The following IZUMO2 variants were observed in gnomAD, a reference collection of about 807,000 sequenced individuals.
IZUMO2 encodes the protein izumo sperm-egg fusion protein 2.
In IZUMO2, 24 loss-of-function variants were observed where a neutral mutation model predicts 31.2. That is an observed-to-expected ratio of 0.77 (90% CI 0.56 to 1.08). The LOEUF (loss-of-function observed/expected upper bound fraction) is 1.08, where lower values mean the gene tolerates loss of function less well. Among genes scored for constraint, IZUMO2 ranks in the 50% least tolerant of loss-of-function variants. The pLI is 0.00. For missense variants in IZUMO2, 278 were observed against 274.0 expected (o/e 1.01, Z -0.10); for synonymous variants, 144 against 117.3 (o/e 1.23, Z -1.47).
chr19:50,152,949 A>T (rs1018402503), intron 6 of IZUMO2, among the ~76,000 whole-genome samples: 1 of 152,172 alleles, frequency 6.6e-6, no homozygotes, highest in Non-Finnish European at 1.5e-5. Flanking sequence ...GAGACAGGGT[A>T]TAGTGGAAGC....
chr19:50,162,514 C>A (rs1308789247), intron 2 of IZUMO2, among the ~76,000 whole-genome samples: 1 of 151,968 alleles, frequency 6.6e-6, no homozygotes, highest in Non-Finnish European at 1.5e-5. Context: ...ACTTGGGAGG[C>A]TGAGGCGGCA....
chr19:50,158,332 C>A lies in IZUMO2; in HGVS notation c.432G>T (p.Glu144Asp). The change falls in exon 5 of 7, where the codon GAG becomes GAT. Residue 144 changes from glutamate to aspartate, a missense_variant. By Grantham distance (45) the Glu-to-Asp change is conservative. Transcript: ENST00000293405. ...NPKLCRLLKE[E>D]VLDCLHCQRI... The stretch of plus-strand genomic sequence containing the variant: ...TCTGGCAATGTAAACAGTCCAACAC[C>A]TCTTCTTTTAGCAAGCCTAGGCAAG... 1.2e-6 allele frequency: 2 copies of A among 1,610,534 alleles called. No individual in the cohort carries two copies. The highest frequency in any genetic ancestry group is 2.2e-5 in the East Asian group (1 of 44,602).
rs921049195 is a variant in IZUMO2, at chr19:50,163,093, G to T, written c.102C>A (p.His34Gln). The change falls in exon 1 of 7, where the codon CAC becomes CAA. Residue 34 changes from histidine (H) to glutamine (Q), a missense_variant. By Grantham distance (24) the His-to-Gln change is conservative (BLOSUM62 0). Transcript: ENST00000293405. The part of the protein sequence containing the change: ...CDPLVLEALG[H>Q]LRSALIPSRF... The stretch of plus-strand genomic sequence containing the variant: ...GACTGGGGATGAGGGCGGAGCGCAG[G>T]TGACCCAGGGCCTCCAGCACCAAGG... 1 of 1,612,252 alleles carries T rather than the reference G, an allele frequency of 6.2e-7. No individual in the cohort carries two copies. The highest frequency in any genetic ancestry group is 1.7e-5 in the Admixed American group (1 of 59,698).
chr19:50,153,337 T>C (rs2030089364), intron 6 of IZUMO2, among the ~76,000 whole-genome samples: 1 of 152,162 alleles, frequency 6.6e-6, no homozygotes, highest in African/African-American at 2.4e-5. Flanking sequence ...ACCCAGAGAA[T>C]ACATTTCTTT....
Position 50,156,768 on chromosome 19 carries a change from A to C in IZUMO2, c.496+1500T>G, listed in dbSNP as rs145665177. Reference sequence around the variant, plus strand: ...GGCAAGAATCAGTCTAAAAAAACAAAACAAAACAAAACAAAACAAAAACTG... The same window carrying C: ...GGCAAGAATCAGTCTAAAAAAACAACACAAAACAAAACAAAACAAAAACTG... On this transcript the variant is annotated intron_variant, in intron 5 of 6. Transcript: ENST00000293405. Among the ~76,000 whole-genome samples, 547 of 152,264 alleles carry C rather than the reference A, an allele frequency of 3.6e-3. 4 individuals carry two copies. The highest frequency in any genetic ancestry group is 0.013 in the African/African-American group (530 of 41,540).
intron 6 of IZUMO2, 28 bp from the exon 7 acceptor site, chr19:50,152,679 T>G: frequency 6.3e-7 from 1 of 1,590,396 alleles, no homozygotes; most frequent in Non-Finnish European, 8.6e-7. Flanking sequence ...GCCTGTAGAT[T>G]AGAATGAGAA....
chr19:50,158,005 T>C (rs1238370218), intron 5 of IZUMO2, among the ~76,000 whole-genome samples: 1 of 151,966 alleles, frequency 6.6e-6, no homozygotes, highest in Non-Finnish European at 1.5e-5. Flanking sequence ...GGTATAGCAA[T>C]GGCTAAGAAT....
rs769345888 is a variant in IZUMO2, at chr19:50,162,986, A to C, written c.209T>G (p.Leu70Arg). 1.2e-6 allele frequency: 2 copies of C among 1,612,962 alleles called. No individual in the cohort carries two copies. The highest frequency in any genetic ancestry group is 1.3e-5 in the African/African-American group (1 of 74,978). Residue 70 changes from leucine to arginine, a missense_variant, in exon 1 of 7, where the codon CTG becomes CGG. Coordinates refer to ENST00000293405, the MANE Select transcript of IZUMO2 (RefSeq NM_152358.3). ...MEGPFFRDYA[L>R]NVFVGKVETN... The stretch of plus-strand genomic sequence containing the variant: ...ACCCACTTTCCCCACAAACACGTTC[A>C]GCGCGTAGTCCCGGAAGAAAGGCCC...
intron 5 of IZUMO2, among the ~76,000 whole-genome samples, chr19:50,155,836 C>G (rs2030196436): frequency 6.6e-6 from 1 of 152,210 alleles, no homozygotes; most frequent in South Asian, 2.1e-4. Context: ...CTTGCAAGCC[C>G]TGCACCATCT....
chr19:50,152,583 T>C lies in IZUMO2; in HGVS notation c.*26A>G. ...ACCAATTTTATTAAATTTATTTTCC[T>C]TTCTCCTTACCCCCAAACCACCGTC... is the stretch of plus-strand genomic sequence containing the variant. On this transcript the variant is annotated 3_prime_UTR_variant, in exon 7 of 7. Transcript: ENST00000293405. 2 of 1,601,554 alleles carry C rather than the reference T, an allele frequency of 1.2e-6. No individual in the cohort carries two copies. The highest frequency in any genetic ancestry group is 1.7e-6 in the Non-Finnish European group (2 of 1,168,602).
intron 1 of IZUMO2, 58 bp from the exon 2 acceptor site, chr19:50,162,871 ACC>A: frequency 6.2e-7 from 1 of 1,601,060 alleles, no homozygotes; most frequent in South Asian, 1.1e-5. Context: ...AAGTGACCTC[ACC>A]CCCTCCAGGC....
In IZUMO2 at chr19:50,163,044, CCT is replaced by C; in HGVS notation, c.149_150del (p.Gln50ArgfsTer49). The stretch of plus-strand genomic sequence containing the variant: ...CCCATCAGCACGGCCCCGGCGCGCG[CCT>C]GCAGCTGCTCCAACTGGAAGCGACT... ...IPSRFQLEQL[Q>X]ARAGAVLMGM... On this transcript the variant is annotated frameshift_variant, in exon 1 of 7. Transcript: ENST00000293405. LOFTEE classifies it high-confidence loss of function. 1 of 1,613,002 alleles carries C rather than the reference CCT, an allele frequency of 6.2e-7. No homozygotes were observed. Among genetic ancestry groups the C allele is most frequent in the South Asian group, 1.1e-5 (1 of 91,024 alleles).
intron 5 of IZUMO2, among the ~76,000 whole-genome samples, chr19:50,155,676 T>G (rs1406794452): frequency 6.6e-6 from 1 of 152,132 alleles, no homozygotes; most frequent in African/African-American, 2.4e-5. Flanking sequence ...CTGCTTCTCT[T>G]AGGAGGCTCC....
At position 50,152,655 on chromosome 19, in the gene IZUMO2, G is replaced by A; in HGVS notation, c.624-4C>T. 6.2e-7 allele frequency: 1 copy of A among 1,612,244 alleles called. No individual in the cohort carries two copies. The highest frequency in any genetic ancestry group is 8.5e-7 in the Non-Finnish European group (1 of 1,178,334). On this transcript the variant is annotated splice_polypyrimidine_tract_variant and splice_region_variant and intron_variant, in intron 6 of 6. Coordinates refer to ENST00000293405, the MANE Select transcript of IZUMO2 (RefSeq NM_152358.3). ...GTTTTGTCTGTATGTACAAGCCCTG[G>A]TCAGAGAGAAAAAGCCTGTAGATTA... is the stretch of plus-strand genomic sequence containing the variant.
intron 5 of IZUMO2, 32 bp downstream of exon 5, chr19:50,158,236 T>A (rs1343571270): frequency 6.9e-7 from 1 of 1,440,342 alleles, no homozygotes; most frequent in African/African-American, 1.4e-5. Flanking sequence ...TGCACGCCTG[T>A]CCCATGTCTT....
intron 2 of IZUMO2, among the ~76,000 whole-genome samples, 197 bp downstream of exon 2, chr19:50,162,542 G>A (rs531304150): frequency 1.3e-5 from 2 of 152,240 alleles, no homozygotes; most frequent in African/African-American, 4.8e-5. Flanking sequence ...TGGAGCCCTG[G>A]AGGTCGAGGC....
chr19:50,163,261 A>G lies in IZUMO2; in HGVS notation c.-67T>C, dbSNP rs982981594. The G allele has an allele frequency of 9.3e-6, 11 of 1,188,634 alleles. No individual in the cohort carries two copies. The highest frequency in any genetic ancestry group is 1.3e-5 in the South Asian group (1 of 74,638). The allele number at this position is 1,188,634 out of a possible 1,614,324, so 73.6% of individuals were successfully genotyped here. A position where few individuals can be genotyped will look rare whatever the true frequency, so the allele number is the denominator to read the frequency against. On this transcript the variant is annotated 5_prime_UTR_variant, in exon 1 of 7. Coordinates refer to ENST00000293405, the MANE Select transcript of IZUMO2 (RefSeq NM_152358.3). ...CCGCCTCCCAGGCGAGGGCGCGGTC[A>G]GGAGGCCCAGGGAGCATCACGGTGT...
intron 4 of IZUMO2, 51 bp from the exon 5 acceptor site, chr19:50,158,399 G>T (rs375392716): frequency 8.1e-7 from 1 of 1,237,450 alleles, no homozygotes; most frequent in Non-Finnish European, 1.2e-6. Context: ...TCAGAGGACC[G>T]GCAAGGGTGG....
At chr19:50,162,860 C>G in intron 1 of IZUMO2, 47 bp from the exon 2 acceptor site, 1 of 1,603,948 alleles carries the variant, frequency 6.2e-7, no homozygotes, top group Non-Finnish European at 8.5e-7. Flanking sequence ...CCCAGAGAGC[C>G]AAGTGACCTC....
Sources: gnomAD v4.1 joint callset for allele counts (sites outside exome capture counted in the v4.1 genomes callset) on GRCh38, gnomAD v4.1.1 for gene constraint, MANE v1.5 for transcripts, NCBI Gene and HGNC (gene_info 2026-07-23, HGNC 2026-07-21) for gene names.